The following MBD5 variants were observed in gnomAD, a reference collection of about 807,000 sequenced individuals.
The protein encoded by MBD5 is methyl-CpG binding domain protein 5, also known as methyl-CpG-binding domain protein 5.
In MBD5, 13 loss-of-function variants were observed where a neutral mutation model predicts 117.3. The observed-to-expected ratio is 0.11, with a 90% CI of 0.07 to 0.18. The LOEUF (loss-of-function observed/expected upper bound fraction) is 0.18. MBD5 is among the 10% of genes least tolerant of loss of function. The pLI is 1.00. For missense variants in MBD5, 1,879 were observed against 2,093.8 expected (o/e 0.90, Z 2.00); for synonymous variants, 727 against 766.4 (o/e 0.95, Z 0.85).
At chr2:148,395,923 T>C (rs769609586) in intron 4 of MBD5, among the ~76,000 whole-genome samples, 11 of 152,194 alleles carry the variant, frequency 7.2e-5, no homozygotes, top group East Asian at 1.9e-4. Flanking sequence ...TTCTTATACA[T>C]TCAGTTTTAC....
At chr2:148,025,810 C>T (rs1693875958) in intron 1 of MBD5, 1 of 152,100 alleles carries the variant, frequency 6.6e-6, no homozygotes, top group African/African-American at 2.4e-5. Context: ...GCAAAATCCT[C>T]ATAAGAAACT....
intron 9 of MBD5, among the ~76,000 whole-genome samples, chr2:148,484,498 GTGT>G (rs1173900829): frequency 1.3e-5 from 2 of 152,104 alleles, no homozygotes; most frequent in Non-Finnish European, 2.9e-5. Context: ...ATTTTAGTTG[GTGT>G]GGCATCACAG....
chr2:148,507,756 T>C (rs1343882230), intron 12 of MBD5, among the ~76,000 whole-genome samples: 1 of 144,920 alleles, frequency 6.9e-6, no homozygotes, highest in Non-Finnish European at 1.5e-5. Context: ...CAAGACTCCG[T>C]CTCAAAAAAA....
chr2:148,345,344 TACATATAC>T (rs76473074), intron 4 of MBD5, among the ~76,000 whole-genome samples: 138 of 149,398 alleles, frequency 9.2e-4, no homozygotes, highest in African/African-American at 2.9e-3. Flanking sequence ...TATACACATA[TACATATAC>T]ACATATACAC....
intron 2 of MBD5, among the ~76,000 whole-genome samples, chr2:148,185,332 T>C (rs1279876637): frequency 1.3e-5 from 2 of 152,134 alleles, no homozygotes; most frequent in African/African-American, 4.8e-5. Flanking sequence ...ATATTTCCTA[T>C]AGGAGTTGGT....
intron 1 of MBD5, among the ~76,000 whole-genome samples, chr2:148,058,499 G>T (rs568065411): frequency 1.4e-4 from 21 of 151,606 alleles, no homozygotes; most frequent in African/African-American, 4.4e-4. Context: ...TTTTTTTTTG[G>T]CTTTCCAGAT....
intron 1 of MBD5, among the ~76,000 whole-genome samples, chr2:148,033,960 A>T (rs560333855): frequency 6.6e-6 from 1 of 152,348 alleles, no homozygotes; most frequent in Non-Finnish European, 1.5e-5. Context: ...TTTAATTAAT[A>T]GACCAACAGT....
At chr2:148,417,449 T>G (rs917843859) in intron 4 of MBD5, among the ~76,000 whole-genome samples, 1 of 152,084 alleles carries the variant, frequency 6.6e-6, no homozygotes, top group African/African-American at 2.4e-5. Flanking sequence ...GGTATAATGA[T>G]TTATTTTACT....
At chr2:148,222,710 A>C (rs1699720534) in intron 2 of MBD5, among the ~76,000 whole-genome samples, 1 of 151,940 alleles carries the variant, frequency 6.6e-6, no homozygotes, top group African/African-American at 2.4e-5. Context: ...ATATTATGTC[A>C]TCTGCAAACA....
intron 3 of MBD5, among the ~76,000 whole-genome samples, chr2:148,326,481 G>T (rs1291316011): frequency 1.3e-5 from 2 of 152,104 alleles, no homozygotes; most frequent in African/African-American, 4.8e-5. Flanking sequence ...AAGTCTCTTT[G>T]TAGGTCACTC....
chr2:148,239,284 C>A (rs1338832376), intron 3 of MBD5, among the ~76,000 whole-genome samples: 2 of 149,762 alleles, frequency 1.3e-5, no homozygotes, highest in African/African-American at 2.4e-5. Flanking sequence ...ATTTTCCTAT[C>A]TACTCTCTAG....
At chr2:148,295,150 A>G (rs1316515539) in intron 3 of MBD5, among the ~76,000 whole-genome samples, 1 of 151,926 alleles carries the variant, frequency 6.6e-6, no homozygotes, top group Non-Finnish European at 1.5e-5. Context: ...TCTTTCTCAC[A>G]TCTCCTTCTG....
intron 2 of MBD5, among the ~76,000 whole-genome samples, chr2:148,211,697 G>A (rs1034436933): frequency 2.0e-4 from 31 of 152,086 alleles, no homozygotes; most frequent in African/African-American, 7.5e-4. Context: ...AACTCATCTT[G>A]ATGGCTTATT....
chr2:148,060,257 T>G (rs918319099), intron 1 of MBD5, among the ~76,000 whole-genome samples: 4 of 150,610 alleles, frequency 2.7e-5, no homozygotes, highest in African/African-American at 9.8e-5. Flanking sequence ...TGCGATGAGC[T>G]TTGAACACAC....
At chr2:148,042,047 T>A (rs1297022692) in intron 1 of MBD5, among the ~76,000 whole-genome samples, 1 of 152,252 alleles carries the variant, frequency 6.6e-6, no homozygotes, top group African/African-American at 2.4e-5. Context: ...CGTTGTTTAC[T>A]ATTTACTTTT....
chr2:148,172,927 A>G (rs1698295572), intron 1 of MBD5, among the ~76,000 whole-genome samples: 1 of 152,058 alleles, frequency 6.6e-6, no homozygotes, highest in Non-Finnish European at 1.5e-5. Context: ...CTGGACACTC[A>G]TCAGGACGAC....
intron 11 of MBD5, among the ~76,000 whole-genome samples, chr2:148,500,896 G>T (rs2105215664): frequency 6.6e-6 from 1 of 152,282 alleles, no homozygotes; most frequent in South Asian, 2.1e-4. Flanking sequence ...ATATGAAAGT[G>T]CTTCCAGGCA....
At chr2:148,062,046 G>A in intron 1 of MBD5, 1 of 151,268 alleles carries the variant, frequency 6.6e-6, no homozygotes, top group Non-Finnish European at 1.5e-5. Context: ...AGTATGCATA[G>A]TAACATTGCA....
intron 1 of MBD5, among the ~76,000 whole-genome samples, chr2:148,124,149 A>G (rs1331637643): frequency 2.6e-5 from 4 of 152,072 alleles, no homozygotes; most frequent in Non-Finnish European, 5.9e-5. Flanking sequence ...GTGTGGCAGC[A>G]CAAGCCTGTA....
Sources: allele counts gnomAD v4.1 joint callset (sites outside exome capture counted in the v4.1 genomes callset), GRCh38; gene constraint gnomAD v4.1.1; transcripts MANE v1.5; gene names NCBI Gene and HGNC (gene_info 2026-07-23, HGNC 2026-07-21).